The following DZIP3 variants were observed in gnomAD, a reference collection of about 807,000 sequenced individuals.
DZIP3 encodes the protein DAZ interacting zinc finger protein 3, also known as E3 ubiquitin-protein ligase DZIP3.
Under a neutral mutation model 162.0 loss-of-function variants are expected in DZIP3, and 118 were observed. That is an observed-to-expected ratio of 0.73 (90% CI 0.63 to 0.85). The LOEUF (loss-of-function observed/expected upper bound fraction) is 0.85. Among genes scored for constraint, DZIP3 ranks in the 40% least tolerant of loss-of-function variants. The pLI is 0.00. For missense variants in DZIP3, 1,331 were observed against 1,407.0 expected (o/e 0.95, Z 0.86); for synonymous variants, 438 against 458.6 (o/e 0.96, Z 0.57).
At chr3:108,677,802 C>T (rs1368196276) in intron 26 of DZIP3, among the ~76,000 whole-genome samples, 1 of 152,010 alleles carries the variant, frequency 6.6e-6, no homozygotes, top group Non-Finnish European at 1.5e-5. Context: ...TAGGTTGTAT[C>T]ACTGGATTTT....
chr3:108,608,225 T>G, intron 3 of DZIP3, 67 bp downstream of exon 3: 1 of 1,258,188 alleles, frequency 7.9e-7, no homozygotes, highest in East Asian at 2.3e-5. Flanking sequence ...GCAAATGCAG[T>G]AATACATCTA....
chr3:108,615,503 A>G (rs1940955859), intron 4 of DZIP3, among the ~76,000 whole-genome samples: 1 of 152,236 alleles, frequency 6.6e-6, no homozygotes, highest in Non-Finnish European at 1.5e-5. Context: ...GAAGAGGCTC[A>G]TTAAATTGAT....
intron 14 of DZIP3, among the ~76,000 whole-genome samples, chr3:108,646,242 C>G (rs1358688252): frequency 6.6e-6 from 1 of 152,122 alleles, no homozygotes; most frequent in Non-Finnish European, 1.5e-5. Flanking sequence ...AAGTGATGAT[C>G]AGATAAATCA....
chr3:108,685,845 T>TA (rs1292900568), intron 27 of DZIP3, among the ~76,000 whole-genome samples: 7 of 152,352 alleles, frequency 4.6e-5, no homozygotes, highest in Admixed American at 4.6e-4. Flanking sequence ...AATCACTTCT[T>TA]ACGCATTGTA....
chr3:108,631,055 A>ACACACACACACACATACACTCTCTCT, intron 8 of DZIP3, among the ~76,000 whole-genome samples: 198 of 18,032 alleles, frequency 0.011, 10 homozygotes, highest in South Asian at 0.021. Flanking sequence ...ACACACACAC[A>ACACACACACACACATACACTCTCTCT]CTCTCTCTCT....
intron 12 of DZIP3, among the ~76,000 whole-genome samples, chr3:108,640,321 T>A (rs993699681): frequency 1.4e-5 from 2 of 147,184 alleles, no homozygotes; most frequent in Non-Finnish European, 3.0e-5. Flanking sequence ...TACTATTCAT[T>A]TTTTTTTTGT....
Position 108,688,873 on chromosome 3 carries a change from G to T in DZIP3, c.3465G>T (p.Leu1155=). Residue 1155 remains leucine (L), a synonymous_variant, in exon 31 of 33, where the codon CTG becomes CTT. Coordinates refer to ENST00000361582, the MANE Select transcript of DZIP3 (RefSeq NM_014648.4). ...EEPCVICHEN[L]SPENLSVLPC... ...CTTGTGTGATCTGTCATGAGAATCT[G>T]TCTCCAGAAAATCTTTCAGTTTTGC... 1 of 1,614,174 alleles carries T rather than the reference G, an allele frequency of 6.2e-7. No individual in the cohort carries two copies. The highest frequency in any genetic ancestry group is 8.5e-7 in the Non-Finnish European group (1 of 1,180,030).
chr3:108,624,476 A>G lies in DZIP3; in HGVS notation c.408A>G (p.Thr136=), dbSNP rs149336494. Residue 136 remains threonine, a synonymous_variant, in exon 6 of 33, where the codon ACA becomes ACG. Coordinates refer to ENST00000361582, the MANE Select transcript of DZIP3 (RefSeq NM_014648.4). ...AHQINIGYYL[T]LLFLYGVALT... is the part of the protein sequence containing the mutation. ...AGATTAATATTGGTTATTATTTGAC[A>G]TTACTGTTTTTATATGGAGTAGCAC... 1.2e-5 allele frequency: 19 copies of G among 1,597,806 alleles called. No individual in the cohort carries two copies. In the African/African-American group the frequency reaches 2.3e-4, roughly 19 times the overall value.
chr3:108,592,444 A>G (rs1576331375), intron 1 of DZIP3, among the ~76,000 whole-genome samples: 1 of 152,128 alleles, frequency 6.6e-6, no homozygotes, highest in Non-Finnish European at 1.5e-5. Flanking sequence ...CTTTTATTCC[A>G]GCACTTTGGG....
chr3:108,646,660 T>G lies in DZIP3; in HGVS notation c.1792+11T>G, dbSNP rs1378843451. The stretch of plus-strand genomic sequence containing the variant: ...TAACAGGCAGTCAGCGTAAGTATAT[T>G]TAGAAATAAAATGTGTAAATGACTT... On this transcript the variant is annotated intron_variant, in intron 15 of 32. Transcript: ENST00000361582. The G allele has an allele frequency of 1.3e-6, 2 of 1,538,244 alleles. No homozygotes were observed. Among genetic ancestry groups the G allele is most frequent in the African/African-American group, 1.4e-5 (1 of 70,058 alleles).
rs529546394 is a variant in DZIP3, at chr3:108,642,988, C to T, written c.1141+474C>T. 3.9e-5 allele frequency among the ~76,000 whole-genome samples: 6 copies of T among 152,274 alleles called. No individual in the cohort carries two copies. In the East Asian group the frequency reaches 1.2e-3, roughly 29 times the overall value. On this transcript the variant is annotated intron_variant, in intron 13 of 32. Coordinates refer to ENST00000361582, the MANE Select transcript of DZIP3 (RefSeq NM_014648.4). ...GAACCTGGAGGCCTTAATTAAGGGA[C>T]CCTGGGCCCATAGAAGAATAGTTTG...
At chr3:108,603,281 CAG>C (rs540923285) in intron 1 of DZIP3, 3 of 152,136 alleles carry the variant, frequency 2.0e-5, no homozygotes, top group Non-Finnish European at 4.4e-5. Context: ...TAAAATAACA[CAG>C]AGAATTATAG....
chr3:108,644,512 C>G lies in DZIP3; in HGVS notation c.1490C>G (p.Ser497Cys), dbSNP rs750217467. The change falls in exon 14 of 33, where the codon TCT becomes TGT. Residue 497 changes from serine (S) to cysteine (C), a missense_variant. Coordinates refer to ENST00000361582, the MANE Select transcript of DZIP3 (RefSeq NM_014648.4). ...ATGGAACCGCCATCTTCTGACATCT[C>G]TAAATCTGCAGACATCCTGAGACTG... ...WNMEPPSSDI[S>C]KSADILRLCK... The G allele has an allele frequency of 6.2e-7, 1 of 1,614,010 alleles. No individual in the cohort carries two copies. The highest frequency in any genetic ancestry group is 1.7e-5 in the Admixed American group (1 of 59,994).
rs1393654816 is a variant in DZIP3 at position 108,693,483 on chromosome 3, A to G, written c.*130A>G. 2 of 152,120 alleles carry G rather than the reference A, an allele frequency of 1.3e-5. No homozygotes were observed. The highest frequency in any genetic ancestry group is 2.9e-5 in the Non-Finnish European group (2 of 68,016). 9.4% of individuals were successfully genotyped at this position (152,120 alleles called of 1,614,324 possible). ...GAGGAATTTTGTGAGACAGTTGTCA[A>G]ATTGTTGCTAGCTTGAAATCTGCGG... On this transcript the variant is annotated 3_prime_UTR_variant, in exon 33 of 33. Transcript: ENST00000361582.
chr3:108,605,299 T>TTTCC, intron 1 of DZIP3, 36 bp from the exon 2 acceptor site: 1 of 1,443,580 alleles, frequency 6.9e-7, no homozygotes, highest in Non-Finnish European at 9.6e-7. Flanking sequence ...AGAGTGTAAC[T>TTTCC]TTCCTATCTT....
intron 1 of DZIP3, among the ~76,000 whole-genome samples, chr3:108,592,758 T>A (rs995892995): frequency 2.3e-4 from 35 of 152,084 alleles, no homozygotes; most frequent in Admixed American, 9.2e-4. Context: ...TCAGTGAGAT[T>A]TTATATAGTT....
In DZIP3 at chr3:108,646,678, A is replaced by C. The variant is rs766506205; in HGVS notation, c.1792+29A>C. On this transcript the variant is annotated intron_variant, in intron 15 of 32. Transcript: ENST00000361582. ...AGTATATTTAGAAATAAAATGTGTA[A>C]ATGACTTTTTAACAAGGGATACCTA... 1.1e-5 allele frequency: 16 copies of C among 1,477,510 alleles called. No homozygotes were observed. The South Asian group carries it at 2.0e-4, about 18-fold the overall frequency. 91.5% of individuals were successfully genotyped at this position (1,477,510 alleles called of 1,614,324 possible). A position where few individuals can be genotyped will look rare whatever the true frequency, so the allele number is the denominator to read the frequency against.
intron 1 of DZIP3, among the ~76,000 whole-genome samples, chr3:108,599,322 T>G (rs890735074): frequency 3.3e-5 from 5 of 152,224 alleles, no homozygotes; most frequent in Non-Finnish European, 7.3e-5. Context: ...AACTGTATGT[T>G]CTTTGGGAGC....
chr3:108,615,883 T>A (rs9837510), intron 4 of DZIP3, among the ~76,000 whole-genome samples: 2,887 of 152,322 alleles, frequency 0.019, 99 homozygotes, highest in African/African-American at 0.066. Context: ...ATAGAAGGTA[T>A]GAGAGTGAAC....
Sources: gnomAD v4.1 joint callset for allele counts (sites outside exome capture counted in the v4.1 genomes callset) on GRCh38, gnomAD v4.1.1 for gene constraint, MANE v1.5 for transcripts, NCBI Gene and HGNC (gene_info 2026-07-23, HGNC 2026-07-21) for gene names.